MYOM1: variants seen among roughly 807,000 people sequenced by gnomAD.
The protein encoded by MYOM1 is myomesin-1.
In MYOM1, 164 loss-of-function variants were observed where a neutral mutation model predicts 205.3. The observed-to-expected ratio is 0.80, with a 90% CI of 0.70 to 0.91. MYOM1 has a LOEUF of 0.91. MYOM1 is among the 40% of genes least tolerant of loss of function. The probability of loss-of-function intolerance (pLI) is 0.00; values close to 1 mark genes in which losing one functional copy is unlikely to be tolerated. For missense variants in MYOM1, 2,011 were observed against 2,127.3 expected, an observed-to-expected ratio of 0.95 and a Z score of 1.08; for synonymous variants, 772 against 789.4, an observed-to-expected ratio of 0.98 and a Z score of 0.37.
chr18:3,084,719 T>G lies in MYOM1; in HGVS notation c.4339+326A>C, dbSNP rs143019722. On this transcript the variant is annotated intron_variant, in intron 31 of 37. Transcript: ENST00000356443. ...GCTTGCTACCTTTAGAGTGGACTAT[T>G]TTTTGTCATGCTTCTCACAGAAGTT... 7.9e-5 allele frequency among the ~76,000 whole-genome samples: 12 copies of G among 152,342 alleles called. No individual in the cohort carries two copies. The East Asian group carries it at 2.3e-3, about 29-fold the overall frequency.
chr18:3,148,412 A>AAC (rs1437238189), intron 13 of MYOM1, among the ~76,000 whole-genome samples: 1 of 152,236 alleles, frequency 6.6e-6, no homozygotes, highest in Non-Finnish European at 1.5e-5. Context: ...AACATGATTC[A>AAC]ACTGATCTAC....
chr18:3,131,213 A>G (rs976331542), intron 17 of MYOM1, among the ~76,000 whole-genome samples, 162 bp downstream of exon 17: 1 of 152,250 alleles, frequency 6.6e-6, no homozygotes, highest in African/African-American at 2.4e-5. Flanking sequence ...AATGGCAGCT[A>G]TGGAAGGTTA....
intron 2 of MYOM1, among the ~76,000 whole-genome samples, chr18:3,214,058 T>C (rs1366324433): frequency 1.3e-5 from 2 of 152,262 alleles, no homozygotes; most frequent in African/African-American, 4.8e-5. Flanking sequence ...TGGTTCCTAT[T>C]ATTCTTAGAC....
chr18:3,166,432 G>A (rs1160397315), intron 9 of MYOM1, among the ~76,000 whole-genome samples: 1 of 151,784 alleles, frequency 6.6e-6, no homozygotes. Context: ...CACCACGCCT[G>A]GCTAATTCTT....
At chr18:3,104,745 C>T (rs201574325) in intron 22 of MYOM1, among the ~76,000 whole-genome samples, 53 of 80,578 alleles carry the variant, frequency 6.6e-4, no homozygotes, top group South Asian at 5.3e-3. Context: ...GAATTGGAAT[C>T]TTTTTTTTTT....
chr18:3,129,168 A>G, intron 18 of MYOM1, 64 bp downstream of exon 18: 1 of 1,524,824 alleles, frequency 6.6e-7, no homozygotes, highest in Non-Finnish European at 8.8e-7. Context: ...GATGTGATGT[A>G]GACGATGAGA....
At chr18:3,078,460 T>TG (rs1251785549) in intron 34 of MYOM1, among the ~76,000 whole-genome samples, 33 of 151,732 alleles carry the variant, frequency 2.2e-4, no homozygotes, top group African/African-American at 8.0e-4. Context: ...GACAGAATCT[T>TG]GCTCTGTTGC....
In MYOM1 at chr18:3,070,429, G is replaced by C. The variant is rs76207020; in HGVS notation, c.4764+1405C>G. ...GGCCTCCCAAAGTGCTGGTTTACAG[G>C]CATGAGCCACTGCACCCAGTGGCTG... On this transcript the variant is annotated intron_variant, in intron 37 of 37. Transcript: ENST00000356443. 1.5e-3 allele frequency among the ~76,000 whole-genome samples: 226 copies of C among 152,256 alleles called. 1 individual carries two copies. Among genetic ancestry groups the C allele is most frequent in the African/African-American group, 5.3e-3 (219 of 41,552 alleles).
the MYOM1 span, among the ~76,000 whole-genome samples, chr18:3,241,199 C>T: frequency 6.6e-6 from 1 of 152,036 alleles, no homozygotes; most frequent in Non-Finnish European, 1.5e-5. Flanking sequence ...AATGTTAATC[C>T]CAAGACAATG....
chr18:3,234,705 A>G, the MYOM1 span, among the ~76,000 whole-genome samples: 1 of 152,130 alleles, frequency 6.6e-6, no homozygotes, highest in Non-Finnish European at 1.5e-5. Flanking sequence ...GCAGGCTGCC[A>G]GCCTAATTAT....
chr18:3,127,817 A>C (rs1052180679), intron 18 of MYOM1, among the ~76,000 whole-genome samples: 2 of 152,230 alleles, frequency 1.3e-5, no homozygotes, highest in Admixed American at 1.3e-4. Flanking sequence ...CTTTTATCAC[A>C]TTATTTTTAA....
chr18:3,236,090 A>G, the MYOM1 span, among the ~76,000 whole-genome samples: 1 of 152,196 alleles, frequency 6.6e-6, no homozygotes, highest in East Asian at 1.9e-4. Context: ...AGGCCATGGT[A>G]AAGCACTGGG....
chr18:3,224,815 C>G (rs1240600820), upstream of MYOM1, among the ~76,000 whole-genome samples: 1 of 152,048 alleles, frequency 6.6e-6, no homozygotes, highest in Non-Finnish European at 1.5e-5. Flanking sequence ...AGGCGCCCAC[C>G]ACCATGCCCG....
Position 3,179,835 on chromosome 18 carries a change from C to T in MYOM1, c.930-3701G>A, listed in dbSNP as rs1013451910. ...CACACTGGACTCAAGCTCACTCTGG[C>T]TCTGCTCTTTCTTGTGCTGGAGGGT... On this transcript the variant is annotated intron_variant, in intron 5 of 37. Coordinates refer to ENST00000356443, the MANE Select transcript of MYOM1 (RefSeq NM_003803.4). This position sits in a 1 kb window ranked among gnomAD's most constrained non-coding sequence, Gnocchi z 4.4. Among the ~76,000 whole-genome samples the T allele has an allele frequency of 1.3e-5, 2 of 152,342 alleles. No individual in the cohort carries two copies. Among genetic ancestry groups the T allele is most frequent in the East Asian group, 3.9e-4 (2 of 5,188 alleles).
chr18:3,127,041 TTGG>T (rs1323848228), intron 18 of MYOM1, 144 bp from the exon 19 acceptor site: 2 of 669,848 alleles, frequency 3.0e-6, no homozygotes, highest in African/African-American at 1.8e-5. Flanking sequence ...GGCATTGAAC[TTGG>T]TGAATGCAAT....
intron 18 of MYOM1, among the ~76,000 whole-genome samples, chr18:3,127,305 A>ATATATTTTT (rs56880961): frequency 4.0e-4 from 19 of 47,568 alleles, no homozygotes; most frequent in East Asian, 6.4e-4. Flanking sequence ...ATATATATAT[A>ATATATTTTT]TTTTTTTTTT....
intron 3 of MYOM1, among the ~76,000 whole-genome samples, chr18:3,190,224 C>G (rs1031633733): frequency 6.6e-6 from 1 of 152,120 alleles, no homozygotes; most frequent in Admixed American, 6.5e-5. Flanking sequence ...TATTTCAATG[C>G]CTTTTGTTGT....
At chr18:3,077,821 T>A (rs1474450023) in intron 34 of MYOM1, among the ~76,000 whole-genome samples, 1 of 152,206 alleles carries the variant, frequency 6.6e-6, no homozygotes, top group Non-Finnish European at 1.5e-5. Flanking sequence ...GCACTTGTGA[T>A]GCAGGCAAAG....
intron 10 of MYOM1, among the ~76,000 whole-genome samples, chr18:3,159,444 C>T (rs2080349566): frequency 6.6e-6 from 1 of 152,124 alleles, no homozygotes; most frequent in Non-Finnish European, 1.5e-5. Context: ...ATTATTTAAG[C>T]AATGGCAGTT....
Sources: allele counts gnomAD v4.1 joint callset (sites outside exome capture counted in the v4.1 genomes callset), GRCh38; gene constraint gnomAD v4.1.1; non-coding constraint Gnocchi (gnomAD v3.1); transcripts MANE v1.5; gene names NCBI Gene and HGNC (gene_info 2026-07-23, HGNC 2026-07-21).